LEF1: variants seen among roughly 807,000 people sequenced by gnomAD.
The protein encoded by LEF1 is lymphoid enhancer binding factor 1.
Under a neutral mutation model 51.2 loss-of-function variants are expected in LEF1, and 14 were observed. That is an observed-to-expected ratio of 0.27 (90% CI 0.18 to 0.43). The LOEUF (loss-of-function observed/expected upper bound fraction) is 0.43. Ranked by LOEUF, LEF1 falls within the 20% of genes least tolerant of loss-of-function variation. The pLI is 1.00. For missense variants in LEF1, 386 were observed against 512.0 expected (o/e 0.75, Z 2.37); for synonymous variants, 185 against 183.2 (o/e 1.01, Z -0.08).
intron 3 of LEF1, among the ~76,000 whole-genome samples, chr4:108,120,134 G>C (rs1423596838): frequency 6.6e-6 from 1 of 151,756 alleles, no homozygotes; most frequent in East Asian, 1.9e-4. Context: ...TGGGCTCAAG[G>C]AACCCTCCTG....
rs151200411 is a variant in LEF1, at chr4:108,123,635, C to T, written c.415-34378G>A. 9.6e-4 allele frequency among the ~76,000 whole-genome samples: 146 copies of T among 151,982 alleles called. 1 individual carries two copies. The highest frequency in any genetic ancestry group is 3.4e-3 in the Middle Eastern group (1 of 294). ...TGTATATTTTGGGGAAAAAACTTTA[C>T]AGATTGGATATGTGTATGCATGTTT... On this transcript the variant is annotated intron_variant, in intron 3 of 11. Transcript: ENST00000265165.
At chr4:108,107,041 C>CA (rs902324862) in intron 3 of LEF1, among the ~76,000 whole-genome samples, 8 of 152,146 alleles carry the variant, frequency 5.3e-5, no homozygotes, top group South Asian at 4.1e-4. Context: ...TTGGAAAATA[C>CA]AAAAAAACCC....
intron 11 of LEF1, among the ~76,000 whole-genome samples, chr4:108,053,434 TA>T (rs1487169348): frequency 6.6e-6 from 1 of 152,164 alleles, no homozygotes; most frequent in Non-Finnish European, 1.5e-5. Context: ...CACAAAGCTC[TA>T]AAGCAAAAAG....
At chr4:108,166,971 GCGCCCCATCGGC>G (rs1745440940) in intron 1 of LEF1, among the ~76,000 whole-genome samples, 1 of 151,990 alleles carries the variant, frequency 6.6e-6, no homozygotes, top group African/African-American at 2.4e-5. Context: ...GCCCGGGTGC[GCGCCCCATCGGC>G]CGGCCTGCTC....
chr4:108,061,792 T>G (rs1020375247), intron 11 of LEF1, among the ~76,000 whole-genome samples: 17 of 152,248 alleles, frequency 1.1e-4, no homozygotes, highest in African/African-American at 4.1e-4. Context: ...GAAGAGGTTC[T>G]CGATTAATAG....
At chr4:108,166,899 A>T in intron 1 of LEF1, 1 of 792,748 alleles carries the variant, frequency 1.3e-6, no homozygotes, top group Non-Finnish European at 1.5e-6. Context: ...GCGCACCCAC[A>T]GCTCCCAGCT....
At chr4:108,143,260 T>C (rs1743783315) in intron 3 of LEF1, among the ~76,000 whole-genome samples, 2 of 152,252 alleles carry the variant, frequency 1.3e-5, no homozygotes, top group South Asian at 4.1e-4. Context: ...CATTTGGGGT[T>C]TGTTTTGCTT....
At position 108,099,582 on chromosome 4, in the gene LEF1, A is replaced by ATGTGTGTG. The variant is rs1211981646; in HGVS notation, c.415-10326_415-10325insCACACACA. On this transcript the variant is annotated intron_variant, in intron 3 of 11. Transcript: ENST00000265165. The stretch of plus-strand genomic sequence containing the variant: ...TGTGTGTGTGTGTGTATATATATAT[A>ATGTGTGTG]TATATATATATATATATATATATAT... Among the ~76,000 whole-genome samples, 34 of 45,660 alleles carry ATGTGTGTG rather than the reference A, an allele frequency of 7.4e-4. 2 individuals carry two copies. The highest frequency in any genetic ancestry group is 9.9e-4 in the African/African-American group (10 of 10,142). 30.0% of individuals were successfully genotyped at this position (45,660 alleles called of 152,430 possible). A position where few individuals can be genotyped will look rare whatever the true frequency, so the allele number is the denominator to read the frequency against.
rs529357628 is a variant in LEF1 at position 108,054,830 on chromosome 4, T to C, written c.*7-6079A>G. Among the ~76,000 whole-genome samples, 24 of 152,308 alleles carry C rather than the reference T, an allele frequency of 1.6e-4. No individual in the cohort carries two copies. The South Asian group carries it at 4.6e-3, about 29-fold the overall frequency. On this transcript the variant is annotated intron_variant, in intron 11 of 11. Transcript: ENST00000265165. ...CAGTTAGAAAAATTTAGTGTAGAGA[T>C]TGATGTAAACCTTATGCCAAAAAGT...
chr4:108,076,722 T>C (rs2126283210), intron 8 of LEF1, among the ~76,000 whole-genome samples: 2 of 152,256 alleles, frequency 1.3e-5, no homozygotes, highest in Middle Eastern at 3.4e-3. Context: ...TCTCCAGGCA[T>C]CATGCCTGAC....
At chr4:108,107,330 A>T (rs1239035576) in intron 3 of LEF1, among the ~76,000 whole-genome samples, 1 of 151,944 alleles carries the variant, frequency 6.6e-6, no homozygotes, top group Admixed American at 6.6e-5. Flanking sequence ...TCTGGGAAAA[A>T]TATGAAATTT....
At chr4:108,152,763 A>G (rs966619591) in intron 3 of LEF1, among the ~76,000 whole-genome samples, 2 of 152,344 alleles carry the variant, frequency 1.3e-5, no homozygotes, top group African/African-American at 4.8e-5. Flanking sequence ...AGACGGGGCC[A>G]GTAATCTGCC....
chr4:108,130,978 CA>C (rs1423052307), intron 3 of LEF1, among the ~76,000 whole-genome samples: 1 of 151,954 alleles, frequency 6.6e-6, no homozygotes, highest in African/African-American at 2.4e-5. Context: ...AGCTTTTCAC[CA>C]AACTACTGTA....
At chr4:108,151,551 C>G (rs1283411583) in intron 3 of LEF1, among the ~76,000 whole-genome samples, 1 of 152,190 alleles carries the variant, frequency 6.6e-6, no homozygotes, top group Non-Finnish European at 1.5e-5. Context: ...CCTTCCACTT[C>G]TTGACCTGTT....
At position 108,099,646 on chromosome 4, in the gene LEF1, G is replaced by A. The variant is rs116711774; in HGVS notation, c.415-10389C>T. ...TAATACTTGAAATTATGGGGTACGT[G>A]TGCAGAACATGCAGGTTTGTTACAT... On this transcript the variant is annotated intron_variant, in intron 3 of 11. Transcript: ENST00000265165. 9.1e-3 allele frequency among the ~76,000 whole-genome samples: 1,287 copies of A among 140,680 alleles called. 8 individuals carry two copies. Among genetic ancestry groups the A allele is most frequent in the African/African-American group, 0.014 (543 of 38,262 alleles). 92.3% of individuals were successfully genotyped at this position (140,680 alleles called of 152,430 possible). A position where few individuals can be genotyped will look rare whatever the true frequency, so the allele number is the denominator to read the frequency against.
At chr4:108,151,374 T>C (rs1238676215) in intron 3 of LEF1, among the ~76,000 whole-genome samples, 2 of 152,162 alleles carry the variant, frequency 1.3e-5, no homozygotes, top group African/African-American at 4.8e-5. Flanking sequence ...ATCTTACCTA[T>C]GAGAAACTCA....
chr4:108,048,873 T>G (rs1736792765), intron 11 of LEF1, 122 bp from the exon 12 acceptor site: 3 of 604,926 alleles, frequency 5.0e-6, no homozygotes, highest in Admixed American at 7.6e-5. Context: ...ATTTTGTTAA[T>G]TTGGGGATGG....
At chr4:108,124,302 T>C (rs960197154) in intron 3 of LEF1, among the ~76,000 whole-genome samples, 2 of 152,166 alleles carry the variant, frequency 1.3e-5, no homozygotes, top group Non-Finnish European at 2.9e-5. Context: ...AAATACAGAA[T>C]GCACATTATA....
chr4:108,156,369 CT>C (rs1486629353), intron 3 of LEF1, among the ~76,000 whole-genome samples: 1 of 152,182 alleles, frequency 6.6e-6, no homozygotes, highest in Non-Finnish European at 1.5e-5. Flanking sequence ...TCTAATGCTA[CT>C]TTATTCACCA....
Sources: gnomAD v4.1 joint callset for allele counts (sites outside exome capture counted in the v4.1 genomes callset) on GRCh38, gnomAD v4.1.1 for gene constraint, MANE v1.5 for transcripts, NCBI Gene and HGNC (gene_info 2026-07-23, HGNC 2026-07-21) for gene names.